The following OPCML variants were observed in gnomAD, a reference collection of about 807,000 sequenced individuals.
The protein encoded by OPCML is opioid-binding protein/cell adhesion molecule.
OPCML carries 13 observed loss-of-function variants against 37.8 expected under a neutral mutation model. The observed-to-expected ratio is 0.34, with a 90% CI of 0.22 to 0.55. OPCML has a LOEUF of 0.55. OPCML is among the 20% of genes least tolerant of loss of function. The probability of loss-of-function intolerance (pLI) is 0.91; values close to 1 mark genes in which losing one functional copy is unlikely to be tolerated. For missense variants in OPCML, 341 were observed against 435.6 expected (o/e 0.78, Z 1.93); for synonymous variants, 176 against 168.8 (o/e 1.04, Z -0.33).
chr11:132,872,925 C>CT (rs142924047), intron 2 of OPCML, among the ~76,000 whole-genome samples: 4,711 of 147,208 alleles, frequency 0.032, 200 homozygotes, highest in African/African-American at 0.11. Flanking sequence ...TTCTTTCTTT[C>CT]TTTTTTTTTT....
At chr11:132,719,496 G>C (rs914186892) in intron 2 of OPCML, among the ~76,000 whole-genome samples, 3 of 152,140 alleles carry the variant, frequency 2.0e-5, no homozygotes, top group Non-Finnish European at 4.4e-5. Context: ...TTAACAATGT[G>C]GTCGCAGGCA....
intron 2 of OPCML, among the ~76,000 whole-genome samples, chr11:132,660,431 C>A (rs1173456668): frequency 6.6e-6 from 1 of 152,126 alleles, no homozygotes; most frequent in Non-Finnish European, 1.5e-5. Context: ...TTGGAAAATA[C>A]CTGACTCGCA....
At chr11:133,133,608 G>C (rs932512876) in intron 1 of OPCML, among the ~76,000 whole-genome samples, 3 of 152,026 alleles carry the variant, frequency 2.0e-5, no homozygotes, top group Admixed American at 6.6e-5. Flanking sequence ...AAGTGTAGTA[G>C]CTCCCCTCTC....
At chr11:133,355,242 T>C (rs1247954170) in intron 1 of OPCML, among the ~76,000 whole-genome samples, 1 of 152,204 alleles carries the variant, frequency 6.6e-6, no homozygotes, top group Non-Finnish European at 1.5e-5. Context: ...CAGTCCATTT[T>C]CTAATTGACT....
rs562440928 is a variant in OPCML at position 132,711,455 on chromosome 11, A to G, written c.147-54136T>C. Among the ~76,000 whole-genome samples, 8 of 152,320 alleles carry G rather than the reference A, an allele frequency of 5.3e-5. No individual in the cohort carries two copies. The East Asian group carries it at 1.5e-3, about 29-fold the overall frequency. ...GAACGTTTTCCAGAACTTGACTCAA[A>G]TTTAACATGAGTTGCGTGATTTTGA... On this transcript the variant is annotated intron_variant, in intron 2 of 7. Transcript: ENST00000524381.
chr11:132,625,597 G>T lies in OPCML; in HGVS notation c.379+31490C>A, dbSNP rs186135395. Among the ~76,000 whole-genome samples the T allele has an allele frequency of 1.7e-3, 257 of 152,258 alleles. 2 individuals carry two copies. Among genetic ancestry groups the T allele is most frequent in the African/African-American group, 5.8e-3 (242 of 41,562 alleles). On this transcript the variant is annotated intron_variant, in intron 3 of 7. Coordinates refer to ENST00000524381, the MANE Select transcript of OPCML (RefSeq NM_001012393.5). The stretch of plus-strand genomic sequence containing the variant: ...ATTCACATTTCCTAAATGTGAAACT[G>T]AAATAAGGTGCTTTCCTATGTGCTA...
chr11:133,461,719 TAA>T (rs1049731063), intron 1 of OPCML, among the ~76,000 whole-genome samples: 1 of 151,926 alleles, frequency 6.6e-6, no homozygotes, highest in African/African-American at 2.4e-5. Flanking sequence ...CAGAGCAGTC[TAA>T]AGATTCAGTA....
chr11:133,024,237 G>T, intron 1 of OPCML: 2 of 469,352 alleles, frequency 4.3e-6, no homozygotes, highest in Non-Finnish European at 2.8e-6. Context: ...CAGGCAGGTT[G>T]GTGGGGGGCT....
At chr11:133,259,790 A>G (rs1416582722) in intron 1 of OPCML, among the ~76,000 whole-genome samples, 1 of 152,210 alleles carries the variant, frequency 6.6e-6, no homozygotes, top group African/African-American at 2.4e-5. Context: ...AGAGGACATC[A>G]ATCAATGCTC....
At chr11:133,050,073 G>C (rs1335504119) in intron 1 of OPCML, among the ~76,000 whole-genome samples, 1 of 152,174 alleles carries the variant, frequency 6.6e-6, no homozygotes, top group African/African-American at 2.4e-5. Flanking sequence ...AATGAGCTTA[G>C]CCCTTCCCTG....
At chr11:132,952,229 T>C (rs1312874148) in intron 1 of OPCML, among the ~76,000 whole-genome samples, 1 of 152,168 alleles carries the variant, frequency 6.6e-6, no homozygotes, top group Non-Finnish European at 1.5e-5. Context: ...TCTGGGGCCC[T>C]CTGGTCATGG....
At chr11:132,892,465 C>A (rs1430416773) in intron 2 of OPCML, among the ~76,000 whole-genome samples, 1 of 152,170 alleles carries the variant, frequency 6.6e-6, no homozygotes, top group African/African-American at 2.4e-5. Context: ...CCCTTTCTCG[C>A]TTTCAAAAGT....
At chr11:132,665,057 C>A (rs968504428) in intron 2 of OPCML, among the ~76,000 whole-genome samples, 7 of 152,224 alleles carry the variant, frequency 4.6e-5, no homozygotes, top group African/African-American at 1.7e-4. Context: ...GGAGATGTCA[C>A]ATTAATACAT....
In OPCML at chr11:133,173,289, T is replaced by C. The variant is rs1487180265; in HGVS notation, c.62-230279A>G. On this transcript the variant is annotated intron_variant, in intron 1 of 7. Coordinates refer to ENST00000524381, the MANE Select transcript of OPCML (RefSeq NM_001012393.5). The surrounding 1 kb of genome is among the most constrained non-coding windows in gnomAD (Gnocchi z 7.8). Reference sequence around the variant, plus strand: ...ATCATTAACATTGTTACAGCTATAATAACATGATTATTTAATATGTTTAAT... The same window carrying C: ...ATCATTAACATTGTTACAGCTATAACAACATGATTATTTAATATGTTTAAT... 1.3e-5 allele frequency among the ~76,000 whole-genome samples: 2 copies of C among 152,250 alleles called. No individual in the cohort carries two copies. Among genetic ancestry groups the C allele is most frequent in the Non-Finnish European group, 2.9e-5 (2 of 68,044 alleles).
intron 2 of OPCML, among the ~76,000 whole-genome samples, chr11:132,813,505 A>G (rs1939463193): frequency 6.6e-6 from 1 of 152,172 alleles, no homozygotes; most frequent in African/African-American, 2.4e-5. Flanking sequence ...AGCCCCCATC[A>G]TCAGCACCAC....
chr11:132,984,177 G>A (rs1334380439), intron 1 of OPCML, among the ~76,000 whole-genome samples: 1 of 152,134 alleles, frequency 6.6e-6, no homozygotes, highest in East Asian at 1.9e-4. Flanking sequence ...AGTATGCTAT[G>A]CCACCATCTA....
chr11:133,078,213 G>T (rs1348484545), intron 1 of OPCML, among the ~76,000 whole-genome samples: 1 of 152,200 alleles, frequency 6.6e-6, no homozygotes, highest in Non-Finnish European at 1.5e-5. Context: ...CACGGTGGCT[G>T]TGCGCAATGA....
chr11:132,874,976 T>C (rs1942955323), intron 2 of OPCML, among the ~76,000 whole-genome samples: 1 of 152,204 alleles, frequency 6.6e-6, no homozygotes. Flanking sequence ...CCAGCCCAAG[T>C]AAATATTTAA....
At chr11:132,971,909 C>T (rs1328846307) in intron 1 of OPCML, among the ~76,000 whole-genome samples, 1 of 152,184 alleles carries the variant, frequency 6.6e-6, no homozygotes, top group Admixed American at 6.5e-5. Context: ...TATTGTACTT[C>T]AATTACTTGT....
Sources: allele counts gnomAD v4.1 joint callset (sites outside exome capture counted in the v4.1 genomes callset), GRCh38; gene constraint gnomAD v4.1.1; non-coding constraint Gnocchi (gnomAD v3.1); transcripts MANE v1.5; gene names NCBI Gene and HGNC (gene_info 2026-07-23, HGNC 2026-07-21).